The following CNTN5 variants were observed in gnomAD, a reference collection of about 807,000 sequenced individuals.
The protein encoded by CNTN5 is contactin 5, also known as contactin-5.
In CNTN5, 77 loss-of-function variants were observed where a neutral mutation model predicts 129.1. The ratio of observed to expected loss-of-function variants is 0.60; its 90% confidence interval spans 0.50 to 0.72. CNTN5 has a LOEUF of 0.72. CNTN5 is among the 30% of genes least tolerant of loss of function. The pLI is 0.00. For missense variants in CNTN5, 1,478 were observed against 1,328.8 expected (o/e 1.11, Z -1.75); for synonymous variants, 509 against 465.6 (o/e 1.09, Z -1.20).
At chr11:99,899,374 C>T (rs1356117045) in intron 6 of CNTN5, among the ~76,000 whole-genome samples, 2 of 151,902 alleles carry the variant, frequency 1.3e-5, no homozygotes, top group Admixed American at 6.6e-5. Context: ...TCATGCATGG[C>T]TCTTATTATT....
At chr11:99,669,194 C>T (rs1042205154) in intron 3 of CNTN5, among the ~76,000 whole-genome samples, 3 of 151,888 alleles carry the variant, frequency 2.0e-5, no homozygotes, top group Admixed American at 6.6e-5. Context: ...TGAAGGTAGA[C>T]ATATGGAGGT....
chr11:99,269,328 C>G (rs1420268318), intron 1 of CNTN5, among the ~76,000 whole-genome samples: 1 of 151,346 alleles, frequency 6.6e-6, no homozygotes, highest in Non-Finnish European at 1.5e-5. Context: ...ATATACATGA[C>G]ATATTTTTAT....
chr11:99,892,069 C>T (rs563351432), intron 6 of CNTN5, among the ~76,000 whole-genome samples: 1 of 152,044 alleles, frequency 6.6e-6, no homozygotes, highest in African/African-American at 2.4e-5. Context: ...ATTTGCATTT[C>T]TCTAATGTAA....
intron 13 of CNTN5, among the ~76,000 whole-genome samples, chr11:100,149,056 G>A (rs764851971): frequency 3.9e-5 from 6 of 152,112 alleles, no homozygotes; most frequent in Non-Finnish European, 8.8e-5. Flanking sequence ...AAACATCAGC[G>A]TTTTTTCAAA....
chr11:99,884,459 A>G (rs1411868296), intron 6 of CNTN5, among the ~76,000 whole-genome samples: 1 of 152,196 alleles, frequency 6.6e-6, no homozygotes, highest in Non-Finnish European at 1.5e-5. Context: ...TTACTGAAAT[A>G]TTTAAAGAGT....
intron 2 of CNTN5, among the ~76,000 whole-genome samples, chr11:99,357,300 C>T (rs1027589228): frequency 2.0e-5 from 3 of 151,998 alleles, no homozygotes; most frequent in Admixed American, 6.6e-5. Context: ...TAGCCACCAG[C>T]GTATACCTGA....
intron 7 of CNTN5, among the ~76,000 whole-genome samples, chr11:99,949,628 T>C (rs1950628427): frequency 3.3e-5 from 5 of 152,144 alleles, no homozygotes; most frequent in South Asian, 2.1e-4. Flanking sequence ...CAACGTAAAT[T>C]AAAAACCCCT....
At chr11:99,194,485 C>G (rs1858802136) in intron 1 of CNTN5, among the ~76,000 whole-genome samples, 1 of 152,224 alleles carries the variant, frequency 6.6e-6, no homozygotes, top group African/African-American at 2.4e-5. Flanking sequence ...TCCCCAAAAG[C>G]TGAAGTTCTC....
intron 8 of CNTN5, among the ~76,000 whole-genome samples, chr11:99,958,336 G>C (rs970463239): frequency 1.3e-5 from 2 of 152,192 alleles, no homozygotes; most frequent in African/African-American, 4.8e-5. Context: ...GTAGGTGGAG[G>C]CTAGCATACA....
At chr11:99,840,851 G>A (rs1947465173) in intron 4 of CNTN5, among the ~76,000 whole-genome samples, 2 of 152,092 alleles carry the variant, frequency 1.3e-5, no homozygotes, top group Admixed American at 1.3e-4. Flanking sequence ...CAGAATGTAA[G>A]TATATGGATT....
chr11:99,992,710 A>G (rs1222281128), intron 8 of CNTN5, among the ~76,000 whole-genome samples: 1 of 152,156 alleles, frequency 6.6e-6, no homozygotes, highest in Non-Finnish European at 1.5e-5. Context: ...ACTGCTCTAA[A>G]TTACGTGCCA....
intron 3 of CNTN5, among the ~76,000 whole-genome samples, chr11:99,754,086 G>A (rs949492028): frequency 3.3e-5 from 5 of 152,098 alleles, no homozygotes; most frequent in Non-Finnish European, 5.9e-5. Context: ...CAGGGCTATC[G>A]TTTAGGTCAT....
intron 1 of CNTN5, among the ~76,000 whole-genome samples, chr11:99,309,199 G>T (rs1255340724): frequency 1.3e-5 from 2 of 149,566 alleles, no homozygotes; most frequent in African/African-American, 4.9e-5. Context: ...CTAGAGTGTT[G>T]GGTGGTTTTG....
At chr11:99,197,291 ATACT>A (rs1858952214) in intron 1 of CNTN5, among the ~76,000 whole-genome samples, 1 of 151,938 alleles carries the variant, frequency 6.6e-6, no homozygotes, top group South Asian at 2.1e-4. Flanking sequence ...TAATAATAAG[ATACT>A]TAAATAGATG....
At chr11:99,749,817 T>C (rs981924958) in intron 3 of CNTN5, among the ~76,000 whole-genome samples, 4 of 152,204 alleles carry the variant, frequency 2.6e-5, no homozygotes, top group African/African-American at 9.6e-5. Flanking sequence ...GAAGGTAAGA[T>C]TGGTGGCCAC....
chr11:99,690,404 T>C (rs114475436), intron 3 of CNTN5, among the ~76,000 whole-genome samples: 3,018 of 152,174 alleles, frequency 0.02, 95 homozygotes, highest in African/African-American at 0.068. Flanking sequence ...TCTTGTTTTG[T>C]TTCTTTGTTT....
intron 6 of CNTN5, 110 bp from the exon 7 acceptor site, chr11:99,915,944 A>G (rs977680619): frequency 2.0e-5 from 16 of 807,984 alleles, no homozygotes; most frequent in Non-Finnish European, 3.0e-5. Flanking sequence ...TGATTAACAA[A>G]CAAAAGACAC....
intron 7 of CNTN5, among the ~76,000 whole-genome samples, chr11:99,946,279 T>C (rs1034101898): frequency 1.3e-5 from 2 of 152,106 alleles, no homozygotes; most frequent in Non-Finnish European, 2.9e-5. Flanking sequence ...ATTTAAGCTA[T>C]AATAGTTTCT....
At position 99,844,577 on chromosome 11, in the gene CNTN5, A is replaced by G. The variant is rs146952870; in HGVS notation, c.278-275A>G. The stretch of plus-strand genomic sequence containing the variant: ...TCCTTCAGTCTGATTTTGAAAAATG[A>G]AAACAAAGATATATATTTAAAATAT... On this transcript the variant is annotated intron_variant, in intron 4 of 24. Coordinates refer to ENST00000524871, the MANE Select transcript of CNTN5 (RefSeq NM_014361.4). 1,161 of 405,906 alleles carry G rather than the reference A, an allele frequency of 2.9e-3. 14 individuals carry two copies. The highest frequency in any genetic ancestry group is 0.023 in the African/African-American group (1,080 of 46,642). The allele number at this position is 405,906 out of a possible 1,614,324, so 25.1% of individuals were successfully genotyped here.
Sources: allele counts gnomAD v4.1 joint callset (sites outside exome capture counted in the v4.1 genomes callset), GRCh38; gene constraint gnomAD v4.1.1; transcripts MANE v1.5; gene names NCBI Gene and HGNC (gene_info 2026-07-23, HGNC 2026-07-21).